CCDC85C: variants seen among roughly 807,000 people sequenced by gnomAD.
CCDC85C encodes coiled-coil domain-containing protein 85C.
Under a neutral mutation model 38.3 loss-of-function variants are expected in CCDC85C, and 18 were observed. That is an observed-to-expected ratio of 0.47 (90% CI 0.33 to 0.70). CCDC85C has a LOEUF of 0.70. Ranked by LOEUF, CCDC85C falls within the 30% of genes least tolerant of loss-of-function variation. The pLI is 0.03. For missense variants in CCDC85C, 566 were observed against 621.2 expected (o/e 0.91, Z 0.94); for synonymous variants, 264 against 293.8 (o/e 0.90, Z 1.04).
Position 99,603,060 on chromosome 14 carries a change from T to C in CCDC85C, c.793+107A>G, listed in dbSNP as rs908180823. On this transcript the variant is annotated intron_variant, in intron 1 of 5. Coordinates refer to ENST00000380243, the MANE Select transcript of CCDC85C (RefSeq NM_001144995.2). This position sits in a 1 kb window ranked among gnomAD's most constrained non-coding sequence, Gnocchi z 7.5. ...CCATGACAGCTGGAGGAGTCTGGAG[T>C]GGCGGCCGCATGAGTGGGACAGCCA... 4 of 1,235,084 alleles carry C rather than the reference T, an allele frequency of 3.2e-6. No homozygotes were observed. In the African/African-American group the frequency reaches 4.7e-5, roughly 15 times the overall value. The allele number at this position is 1,235,084 out of a possible 1,614,324, so 76.5% of individuals were successfully genotyped here. A position where few individuals can be genotyped will look rare whatever the true frequency, so the allele number is the denominator to read the frequency against.
At chr14:99,592,204 T>C (rs930566404) in intron 1 of CCDC85C, among the ~76,000 whole-genome samples, 11 of 152,240 alleles carry the variant, frequency 7.2e-5, no homozygotes, top group Non-Finnish European at 1.2e-4. Context: ...CTGCATGTCA[T>C]TTAATTGTAA....
At position 99,511,452 on chromosome 14, in the gene CCDC85C, T is replaced by C. The variant is rs1398032845; in HGVS notation, c.*3794A>G. 6.6e-6 allele frequency: 1 copy of C among 152,536 alleles called. No homozygotes were observed. The highest frequency in any genetic ancestry group is 1.9e-4 in the East Asian group (1 of 5,204). The allele number at this position is 152,536 out of a possible 1,614,324, so 9.4% of individuals were successfully genotyped here. ...GTGAATGTAACAACATACTGTGAAT[T>C]CCATCTTGGTTACAAATGAGACTCC... is the stretch of plus-strand genomic sequence containing the variant. On this transcript the variant is annotated 3_prime_UTR_variant, in exon 6 of 6. Transcript: ENST00000380243.
intron 1 of CCDC85C, among the ~76,000 whole-genome samples, chr14:99,585,822 C>T (rs1466586409): frequency 6.6e-6 from 1 of 152,198 alleles, no homozygotes; most frequent in African/African-American, 2.4e-5. Flanking sequence ...CCAGGGCCCA[C>T]CTGGCAAGGT....
rs755881941 is a variant in CCDC85C, at chr14:99,516,340, C to A, written c.1072-54G>T. The A allele has an allele frequency of 6.8e-5, 90 of 1,319,018 alleles. No homozygotes were observed. Among genetic ancestry groups the A allele is most frequent in the Non-Finnish European group, 9.3e-5 (87 of 937,938 alleles). 81.7% of individuals were successfully genotyped at this position (1,319,018 alleles called of 1,614,324 possible). Reference sequence around the variant, plus strand: ...GCAGAGGCCACCGGCAGACCTCGGGCAAGTCACCTGGCCCCTGATCCTCAG... The same window carrying A: ...GCAGAGGCCACCGGCAGACCTCGGGAAAGTCACCTGGCCCCTGATCCTCAG... On this transcript the variant is annotated intron_variant, in intron 4 of 5. Coordinates refer to ENST00000380243, the MANE Select transcript of CCDC85C (RefSeq NM_001144995.2). The surrounding 1 kb of genome is among the most constrained non-coding windows in gnomAD (Gnocchi z 5.5).
chr14:99,563,511 T>C (rs184861982), intron 1 of CCDC85C, among the ~76,000 whole-genome samples: 175 of 152,354 alleles, frequency 1.1e-3, no homozygotes, highest in African/African-American at 4.1e-3. Flanking sequence ...CATCTGGGAA[T>C]AACTCGGGCA....
At chr14:99,590,728 G>T (rs1290927095) in intron 1 of CCDC85C, among the ~76,000 whole-genome samples, 1 of 152,240 alleles carries the variant, frequency 6.6e-6, no homozygotes, top group African/African-American at 2.4e-5. Context: ...CAGGGGACAG[G>T]TTGGGAGCTG....
chr14:99,572,548 AC>A lies in CCDC85C; in HGVS notation c.793+30618del, dbSNP rs1898374598. ...TCCTCCTACCCTGCCCCCTTCGGTC[AC>A]CAGAGTCCAGCCACAGGGCCTGGTC... On this transcript the variant is annotated intron_variant, in intron 1 of 5. Coordinates refer to ENST00000380243, the MANE Select transcript of CCDC85C (RefSeq NM_001144995.2). The surrounding 1 kb of genome is among the most constrained non-coding windows in gnomAD (Gnocchi z 4.4). Among the ~76,000 whole-genome samples the A allele has an allele frequency of 6.6e-6, 1 of 152,144 alleles. No homozygotes were observed. Among genetic ancestry groups the A allele is most frequent in the Admixed American group, 6.5e-5 (1 of 15,274 alleles).
intron 1 of CCDC85C, among the ~76,000 whole-genome samples, chr14:99,557,960 G>A (rs548133151): frequency 5.9e-5 from 9 of 152,238 alleles, no homozygotes; most frequent in East Asian, 3.9e-4. Context: ...ATTTTAGTCC[G>A]CACCCTTCCA....
At position 99,502,132 on chromosome 14, in the gene CCDC85C, T is replaced by A. The variant is rs1422902181; in HGVS notation, c.*13114A>T. The A allele has an allele frequency of 7.0e-7, 1 of 1,430,392 alleles. No homozygotes were observed. Among genetic ancestry groups the A allele is most frequent in the Non-Finnish European group, 9.3e-7 (1 of 1,078,606 alleles). The allele number at this position is 1,430,392 out of a possible 1,614,324, so 88.6% of individuals were successfully genotyped here. Reference sequence around the variant, plus strand: ...GAATAAGCAAATTAATGGTTAGTTATGGCATCTCCATGCACTGGTTTAATC... The same window carrying A: ...GAATAAGCAAATTAATGGTTAGTTAAGGCATCTCCATGCACTGGTTTAATC... On this transcript the variant is annotated 3_prime_UTR_variant, in exon 6 of 6. Transcript: ENST00000380243.
Position 99,511,261 on chromosome 14 carries a change from ATT to A in CCDC85C, c.*3983_*3984del, listed in dbSNP as rs1897123750. On this transcript the variant is annotated 3_prime_UTR_variant, in exon 6 of 6. Coordinates refer to ENST00000380243, the MANE Select transcript of CCDC85C (RefSeq NM_001144995.2). ...AAGGGGCAGAAGAACCACATTTTTC[ATT>A]TATAGATGTTTGCATCCTTTGTATT... The A allele has an allele frequency of 6.6e-6, 1 of 152,034 alleles. No homozygotes were observed. The highest frequency in any genetic ancestry group is 1.5e-5 in the Non-Finnish European group (1 of 68,170). 9.4% of individuals were successfully genotyped at this position (152,034 alleles called of 1,614,324 possible).
chr14:99,553,788 G>A (rs556176326), intron 1 of CCDC85C, among the ~76,000 whole-genome samples: 15 of 152,366 alleles, frequency 9.8e-5, no homozygotes, highest in African/African-American at 3.6e-4. Flanking sequence ...CCAGGGCTGG[G>A]CTGAGCCCCT....
chr14:99,526,600 G>T (rs969197302), intron 2 of CCDC85C, among the ~76,000 whole-genome samples: 2 of 151,992 alleles, frequency 1.3e-5, no homozygotes, highest in African/African-American at 4.8e-5. Flanking sequence ...CCAGGAAGAG[G>T]AAGTGGGGGC....
chr14:99,522,119 G>C lies in CCDC85C; in HGVS notation c.975+14C>G, dbSNP rs186149936. 6.5e-7 allele frequency: 1 copy of C among 1,540,410 alleles called. No homozygotes were observed. Among genetic ancestry groups the C allele is most frequent in the Non-Finnish European group, 8.8e-7 (1 of 1,137,462 alleles). On this transcript the variant is annotated intron_variant, in intron 3 of 5. Coordinates refer to ENST00000380243, the MANE Select transcript of CCDC85C (RefSeq NM_001144995.2). ...CATCCAGAACATGTGGGCTTTTTTG[G>C]GGTGCACACTCACGTTCTGCAGGGA...
chr14:99,558,375 A>C lies in CCDC85C; in HGVS notation c.794-22287T>G, dbSNP rs1265086375. ...GGTCCAGAGGAGACCACACTGTATT[A>C]GGGTGGCCCTAAATCCAGTGACTGC... On this transcript the variant is annotated intron_variant, in intron 1 of 5. Coordinates refer to ENST00000380243, the MANE Select transcript of CCDC85C (RefSeq NM_001144995.2). This position sits in a 1 kb window ranked among gnomAD's most constrained non-coding sequence, Gnocchi z 4.2. Among the ~76,000 whole-genome samples the C allele has an allele frequency of 1.3e-5, 2 of 152,246 alleles. No individual in the cohort carries two copies. Among genetic ancestry groups the C allele is most frequent in the Non-Finnish European group, 2.9e-5 (2 of 68,052 alleles).
intron 1 of CCDC85C, among the ~76,000 whole-genome samples, chr14:99,589,395 G>C (rs570355669): frequency 6.6e-6 from 1 of 152,040 alleles, no homozygotes; most frequent in Non-Finnish European, 1.5e-5. Context: ...AACCACGAAC[G>C]TGCATTCAGT....
In CCDC85C at chr14:99,511,001, T is replaced by C. The variant is rs1313893103; in HGVS notation, c.*4245A>G. 5.2e-5 allele frequency: 20 copies of C among 385,972 alleles called. No individual in the cohort carries two copies. The East Asian group carries it at 7.8e-4, about 15-fold the overall frequency. The allele number at this position is 385,972 out of a possible 1,614,324, so 23.9% of individuals were successfully genotyped here. ...TAGCCTCATCAGTGCCCTTGCAGTC[T>C]GACTGTGTACACTTGGTTCAGCTAA... On this transcript the variant is annotated 3_prime_UTR_variant, in exon 6 of 6. Coordinates refer to ENST00000380243, the MANE Select transcript of CCDC85C (RefSeq NM_001144995.2).
intron 2 of CCDC85C, among the ~76,000 whole-genome samples, chr14:99,527,236 G>A (rs569581901): frequency 1.7e-4 from 26 of 152,304 alleles, no homozygotes; most frequent in Non-Finnish European, 2.8e-4. Context: ...TTGGTTTATC[G>A]TCTGTCTGCA....
intron 1 of CCDC85C, among the ~76,000 whole-genome samples, chr14:99,543,350 C>A (rs1481491059): frequency 6.6e-6 from 1 of 152,200 alleles, no homozygotes; most frequent in Non-Finnish European, 1.5e-5. Flanking sequence ...ACCCACAGGA[C>A]CAGCGGGGGT....
rs576875388 is a variant in CCDC85C at position 99,579,325 on chromosome 14, G to C, written c.793+23842C>G. Among the ~76,000 whole-genome samples the C allele has an allele frequency of 2.0e-5, 3 of 152,382 alleles. No individual in the cohort carries two copies. In the South Asian group the frequency reaches 6.2e-4, roughly 32 times the overall value. ...GGACGCAGTGTCCCTGTGCACACCT[G>C]TGGAACCTGCTCTGCCGGTGGAGGA... On this transcript the variant is annotated intron_variant, in intron 1 of 5. Coordinates refer to ENST00000380243, the MANE Select transcript of CCDC85C (RefSeq NM_001144995.2).
Sources: allele counts gnomAD v4.1 joint callset (sites outside exome capture counted in the v4.1 genomes callset), GRCh38; gene constraint gnomAD v4.1.1; non-coding constraint Gnocchi (gnomAD v3.1); transcripts MANE v1.5; gene names NCBI Gene and HGNC (gene_info 2026-07-23, HGNC 2026-07-21).